Variants in TMC5 observed in about 807,000 individuals in gnomAD.
TMC5 encodes the protein transmembrane channel like 5.
TMC5 carries 86 observed loss-of-function variants against 110.5 expected under a neutral mutation model. The observed-to-expected ratio is 0.78, with a 90% CI of 0.65 to 0.93. The LOEUF (loss-of-function observed/expected upper bound fraction) is 0.93. Among genes scored for constraint, TMC5 ranks in the 40% least tolerant of loss-of-function variants. TMC5 has a pLI of 0.00. For missense variants in TMC5, 1,144 were observed against 1,222.8 expected (o/e 0.94, Z 0.96); for synonymous variants, 455 against 439.5 (o/e 1.04, Z -0.44).
chr16:19,481,882 T>C (rs1429230764), intron 15 of TMC5, among the ~76,000 whole-genome samples: 1 of 152,090 alleles, frequency 6.6e-6, no homozygotes. Flanking sequence ...ATAGGATTAG[T>C]GCCCTTATAA....
At position 19,444,266 on chromosome 16, in the gene TMC5, GC is replaced by G. The variant is rs543373661; in HGVS notation, c.958+18del. ...AGTGGCTATGGTAAGCATTTGTTAA[GC>G]CAGGATCATATCCTGGGAAAAAACT... On this transcript the variant is annotated intron_variant, in intron 4 of 21. Coordinates refer to ENST00000542583, the MANE Select transcript of TMC5 (RefSeq NM_001261841.2). 1.5e-4 allele frequency: 236 copies of G among 1,612,074 alleles called. 1 individual carries two copies. In the East Asian group the frequency reaches 5.0e-3, roughly 34 times the overall value.
chr16:19,456,737 A>C, intron 5 of TMC5: 1 of 1,612,620 alleles, frequency 6.2e-7, no homozygotes, highest in Non-Finnish European at 8.5e-7. Context: ...GAATGAAATC[A>C]TCATACAGGT....
At chr16:19,412,936 A>G (rs1191139251), upstream of TMC5, among the ~76,000 whole-genome samples, 1 of 152,012 alleles carries the variant, frequency 6.6e-6, no homozygotes, top group Non-Finnish European at 1.5e-5. Flanking sequence ...CCTTAAAGTC[A>G]CGGCTCAAGC....
intron 2 of TMC5, among the ~76,000 whole-genome samples, chr16:19,436,401 C>A (rs1312135769): frequency 6.6e-6 from 1 of 151,580 alleles, no homozygotes; most frequent in Non-Finnish European, 1.5e-5. Flanking sequence ...CTTGAATTTA[C>A]TAGGCATCGT....
intron 5 of TMC5, chr16:19,457,151 A>T (rs1597186898): frequency 2.7e-6 from 2 of 728,666 alleles, no homozygotes; most frequent in African/African-American, 3.5e-5. Flanking sequence ...CGGCTTTGGG[A>T]GGCCAAGATA....
chr16:19,418,706 C>T (rs1203894513), intron 1 of TMC5, among the ~76,000 whole-genome samples: 1 of 149,122 alleles, frequency 6.7e-6, no homozygotes, highest in Non-Finnish European at 1.5e-5. Context: ...TTCTCTTCTT[C>T]CTCTGATAAG....
At chr16:19,446,741 A>G (rs1967623293) in intron 4 of TMC5, among the ~76,000 whole-genome samples, 1 of 152,210 alleles carries the variant, frequency 6.6e-6, no homozygotes, top group African/African-American at 2.4e-5. Flanking sequence ...GCAAATACAA[A>G]CAGATTCCTG....
chr16:19,473,646 T>G (rs1386215911), intron 11 of TMC5, among the ~76,000 whole-genome samples: 1 of 152,142 alleles, frequency 6.6e-6, no homozygotes, highest in African/African-American at 2.4e-5. Context: ...AGCCTCAGTT[T>G]GCTTGGCACG....
In TMC5 at chr16:19,498,161, T is replaced by G. The variant is rs1164323605; in HGVS notation, c.*195T>G. 1 of 581,176 alleles carries G rather than the reference T, an allele frequency of 1.7e-6. No individual in the cohort carries two copies. The highest frequency in any genetic ancestry group is 3.3e-5 in the Admixed American group (1 of 30,666). 36.0% of individuals were successfully genotyped at this position (581,176 alleles called of 1,614,324 possible). On this transcript the variant is annotated 3_prime_UTR_variant, in exon 22 of 22. Transcript: ENST00000542583. ...ATGCTATTTTTAATACCTGGATTGCTGATTTTTCAAGACAAAATACTTGGG... is the reference window on the plus strand; with the variant it reads ...ATGCTATTTTTAATACCTGGATTGCGGATTTTTCAAGACAAAATACTTGGG...
chr16:19,435,837 C>T (rs776544217), intron 2 of TMC5, among the ~76,000 whole-genome samples: 1 of 152,246 alleles, frequency 6.6e-6, no homozygotes, highest in African/African-American at 2.4e-5. Context: ...TCATCCATGA[C>T]GCTGCGTGCA....
chr16:19,457,958 A>G (rs1302446826), intron 5 of TMC5, among the ~76,000 whole-genome samples: 1 of 151,868 alleles, frequency 6.6e-6, no homozygotes, highest in East Asian at 1.9e-4. Flanking sequence ...TCCTGGCCTC[A>G]GGTGATCTGC....
At chr16:19,492,813 C>T (rs1319528627) in intron 19 of TMC5, among the ~76,000 whole-genome samples, 3 of 150,890 alleles carry the variant, frequency 2.0e-5, no homozygotes, top group East Asian at 3.9e-4. Context: ...CCTCAGCCTC[C>T]GGAGTAGCTG....
At chr16:19,460,625 C>T (rs1967997545) in intron 6 of TMC5, among the ~76,000 whole-genome samples, 1 of 152,028 alleles carries the variant, frequency 6.6e-6, no homozygotes, top group Admixed American at 6.6e-5. Flanking sequence ...CCTAATACTG[C>T]CTTGGCCAAG....
At position 19,466,249 on chromosome 16, in the gene TMC5, C is replaced by T. The variant is rs1290201888; in HGVS notation, c.1637+16C>T. The stretch of plus-strand genomic sequence containing the variant: ...TGCTGTTCAGGTATGGAAGCATCTA[C>T]ATTTCCTGATTCTGAGGGTCATGTT... On this transcript the variant is annotated intron_variant, in intron 9 of 21. Transcript: ENST00000542583. 6.2e-7 allele frequency: 1 copy of T among 1,611,864 alleles called. No homozygotes were observed. The highest frequency in any genetic ancestry group is 1.7e-5 in the Admixed American group (1 of 59,442).
Position 19,497,929 on chromosome 16 carries a change from C to A in TMC5, c.2984C>A (p.Ser995Tyr), listed in dbSNP as rs776882275. 1 of 1,613,998 alleles carries A rather than the reference C, an allele frequency of 6.2e-7. No homozygotes were observed. The highest frequency in any genetic ancestry group is 8.5e-7 in the Non-Finnish European group (1 of 1,179,960). ...GEHDGSLDLR[S>Y]RRSVQEGNPR... ...CCTGTGTCAAACCTAGACTTGCGATCTAGAAGATCAGTTCAAGAAGGTAAT... is the reference window on the plus strand; with the variant it reads ...CCTGTGTCAAACCTAGACTTGCGATATAGAAGATCAGTTCAAGAAGGTAAT... The change falls in exon 22 of 22, where the codon TCT becomes TAT. Residue 995 changes from serine (S) to tyrosine (Y), a missense_variant. Physicochemically the swap from Ser to Tyr is moderately radical, Grantham distance 144 (BLOSUM62 -2). Transcript: ENST00000542583.
At position 19,439,207 on chromosome 16, in the gene TMC5, A is replaced by G. The variant is rs112764309; in HGVS notation, c.-79-753A>G. On this transcript the variant is annotated intron_variant, in intron 2 of 21. Transcript: ENST00000542583. ...AGGTAGCTTTGGGCTAAATTTGACAAAAGTATCCTGTGGTCTGTGGATCAG... is the reference window on the plus strand; with the variant it reads ...AGGTAGCTTTGGGCTAAATTTGACAGAAGTATCCTGTGGTCTGTGGATCAG... Among the ~76,000 whole-genome samples the G allele has an allele frequency of 4.4e-3, 667 of 152,312 alleles. 7 individuals are homozygous for G. The highest frequency in any genetic ancestry group is 0.015 in the African/African-American group (607 of 41,568).
At chr16:19,462,514 T>G (rs1229649893) in intron 6 of TMC5, 2 of 701,948 alleles carry the variant, frequency 2.8e-6, no homozygotes, top group Admixed American at 4.0e-5. Context: ...AGGGGAGGCC[T>G]CACAATCACG....
In TMC5 at chr16:19,498,205, T is replaced by C. The variant is rs578114941; in HGVS notation, c.*239T>C. The C allele has an allele frequency of 1.4e-4, 72 of 518,244 alleles. No homozygotes were observed. Among genetic ancestry groups the C allele is most frequent in the African/African-American group, 1.3e-3 (66 of 51,480 alleles). 32.1% of individuals were successfully genotyped at this position (518,244 alleles called of 1,614,324 possible). On this transcript the variant is annotated 3_prime_UTR_variant, in exon 22 of 22. Coordinates refer to ENST00000542583, the MANE Select transcript of TMC5 (RefSeq NM_001261841.2). ...ACTTGGGGTTTTCCAATAAAGATTG[T>C]TGTAATATTGAAATGAGCCTACAAA...
At chr16:19,415,806 A>G (rs1207983020), upstream of TMC5, among the ~76,000 whole-genome samples, 1 of 152,048 alleles carries the variant, frequency 6.6e-6, no homozygotes, top group Admixed American at 6.6e-5. Context: ...TGATCATACA[A>G]TTTATAACTC....
Sources: allele counts gnomAD v4.1 joint callset (sites outside exome capture counted in the v4.1 genomes callset), GRCh38; gene constraint gnomAD v4.1.1; transcripts MANE v1.5; gene names NCBI Gene and HGNC (gene_info 2026-07-23, HGNC 2026-07-21).